FUT8: variants seen among roughly 807,000 people sequenced by gnomAD.
FUT8 encodes alpha-(1,6)-fucosyltransferase.
In FUT8, 29 loss-of-function variants were observed where a neutral mutation model predicts 71.3. That is an observed-to-expected ratio of 0.41 (90% CI 0.30 to 0.55). FUT8 has a LOEUF of 0.55. FUT8 is among the 20% of genes least tolerant of loss of function. The pLI, the probability that FUT8 is intolerant of heterozygous loss-of-function variation, is 0.34. For missense variants in FUT8, 544 were observed against 702.1 expected, an observed-to-expected ratio of 0.77 and a Z score of 2.55; for synonymous variants, 254 against 239.3, an observed-to-expected ratio of 1.06 and a Z score of -0.57.
At chr14:65,573,945 T>G (rs182801535) in intron 3 of FUT8, among the ~76,000 whole-genome samples, 1 of 152,288 alleles carries the variant, frequency 6.6e-6, no homozygotes, top group Admixed American at 6.5e-5. Flanking sequence ...TCACACAGTT[T>G]CTGTGGATTA....
In FUT8 at chr14:65,489,863, A is replaced by G. The variant is rs2066458682; in HGVS notation, c.-228+34145A>G. On this transcript the variant is annotated intron_variant, in intron 2 of 10. Coordinates refer to ENST00000673929, the MANE Select transcript of FUT8 (RefSeq NM_001371533.1). The surrounding 1 kb of genome is among the most constrained non-coding windows in gnomAD (Gnocchi z 4.0). Reference sequence around the variant, plus strand: ...GCAAGTTTTTGCACAAATATCAAAGAAATTCAGTGTACTTTCTTTTCAAAA... The same window carrying G: ...GCAAGTTTTTGCACAAATATCAAAGGAATTCAGTGTACTTTCTTTTCAAAA... Among the ~76,000 whole-genome samples the G allele has an allele frequency of 2.6e-5, 4 of 152,156 alleles. No individual in the cohort carries two copies. The South Asian group carries it at 8.3e-4, about 31-fold the overall frequency.
At chr14:65,461,013 A>T (rs548655279) in intron 2 of FUT8, among the ~76,000 whole-genome samples, 1 of 152,260 alleles carries the variant, frequency 6.6e-6, no homozygotes, top group African/African-American at 2.4e-5. Flanking sequence ...GTGTGTGTGT[A>T]TTAGTTTTCT....
intron 3 of FUT8, among the ~76,000 whole-genome samples, chr14:65,563,266 C>A (rs1886012560): frequency 6.6e-6 from 1 of 152,004 alleles, no homozygotes; most frequent in South Asian, 2.1e-4. Flanking sequence ...GTAATAATAG[C>A]TGTCATTTAT....
At chr14:65,414,712 G>A (rs1461707528) in intron 1 of FUT8, among the ~76,000 whole-genome samples, 3 of 152,102 alleles carry the variant, frequency 2.0e-5, no homozygotes, top group Non-Finnish European at 4.4e-5. Context: ...TCCAAGACAT[G>A]GATTTTCTTT....
chr14:65,538,241 G>A (rs1884460522), intron 2 of FUT8, among the ~76,000 whole-genome samples: 1 of 152,300 alleles, frequency 6.6e-6, no homozygotes, highest in Admixed American at 6.5e-5. Flanking sequence ...TGTTTGAGGG[G>A]TCTCCTCCTG....
At chr14:65,371,024 A>T in the FUT8 span, among the ~76,000 whole-genome samples, 1 of 152,164 alleles carries the variant, frequency 6.6e-6, no homozygotes, top group Non-Finnish European at 1.5e-5. Flanking sequence ...TGTCATGTAG[A>T]TTTCTCTTAG....
At chr14:65,677,151 T>TGTGTGTGTGTGTGCGC in intron 7 of FUT8, among the ~76,000 whole-genome samples, 4,198 of 110,426 alleles carry the variant, frequency 0.038, 125 homozygotes, top group Admixed American at 0.058. Flanking sequence ...TGTGTGTGTG[T>TGTGTGTGTGTGTGCGC]GCGCGCGCGC....
At chr14:65,414,788 A>T (rs1470152354) in intron 1 of FUT8, among the ~76,000 whole-genome samples, 1 of 152,236 alleles carries the variant, frequency 6.6e-6, no homozygotes, top group Non-Finnish European at 1.5e-5. Context: ...TGAAACTTGC[A>T]TAGATTGCAG....
chr14:65,515,949 AT>A (rs1882680607), intron 2 of FUT8, among the ~76,000 whole-genome samples: 1 of 152,120 alleles, frequency 6.6e-6, no homozygotes, highest in Non-Finnish European at 1.5e-5. Flanking sequence ...AATTTATTTT[AT>A]TTTGACTAAA....
At chr14:65,481,405 C>A (rs921208571) in intron 2 of FUT8, among the ~76,000 whole-genome samples, 1 of 150,754 alleles carries the variant, frequency 6.6e-6, no homozygotes, top group Non-Finnish European at 1.5e-5. Context: ...TTTTTCTGAT[C>A]GATTTCCTTA....
At chr14:65,608,674 A>G (rs1013040545) in intron 3 of FUT8, among the ~76,000 whole-genome samples, 33 of 151,928 alleles carry the variant, frequency 2.2e-4, no homozygotes, top group Non-Finnish European at 3.8e-4. Context: ...ACATGTAGGC[A>G]TCCTTAAAGG....
intron 6 of FUT8, among the ~76,000 whole-genome samples, chr14:65,645,217 A>T (rs1174001953): frequency 6.6e-6 from 1 of 152,214 alleles, no homozygotes; most frequent in Non-Finnish European, 1.5e-5. Context: ...AATAGTGAGG[A>T]TTGACTCCAG....
chr14:65,700,334 A>T (rs1349337620), intron 7 of FUT8, among the ~76,000 whole-genome samples: 1 of 151,158 alleles, frequency 6.6e-6, no homozygotes, highest in African/African-American at 2.4e-5. Flanking sequence ...TATTGTATAA[A>T]AGTTTTATTT....
intron 9 of FUT8, among the ~76,000 whole-genome samples, chr14:65,725,360 A>G (rs986840493): frequency 6.6e-6 from 1 of 152,220 alleles, no homozygotes; most frequent in Non-Finnish European, 1.5e-5. Context: ...GAGTAACACT[A>G]TTATAGGGTT....
intron 1 of FUT8, among the ~76,000 whole-genome samples, chr14:65,422,895 C>T (rs898742972): frequency 1.3e-5 from 2 of 151,810 alleles, no homozygotes; most frequent in East Asian, 1.9e-4. Flanking sequence ...TGGCCTCAAA[C>T]GATCCTCCTG....
the FUT8 span, among the ~76,000 whole-genome samples, chr14:65,398,269 C>T: frequency 2.6e-5 from 4 of 152,152 alleles, no homozygotes; most frequent in Admixed American, 1.3e-4. Context: ...AGGTGAGCTT[C>T]CTGTCTCAGC....
At chr14:65,367,218 G>A in the FUT8 span, among the ~76,000 whole-genome samples, 1 of 152,180 alleles carries the variant, frequency 6.6e-6, no homozygotes, top group East Asian at 1.9e-4. Context: ...CTTGGGGGAG[G>A]TTTAAAGGGA....
At chr14:65,477,250 A>T (rs2066261249) in intron 2 of FUT8, among the ~76,000 whole-genome samples, 2 of 152,198 alleles carry the variant, frequency 1.3e-5, no homozygotes, top group South Asian at 4.1e-4. Flanking sequence ...TAAAATATGG[A>T]TAAAAAATGC....
intron 2 of FUT8, among the ~76,000 whole-genome samples, chr14:65,490,129 C>T (rs1027457229): frequency 1.3e-5 from 2 of 152,016 alleles, no homozygotes; most frequent in Non-Finnish European, 2.9e-5. Context: ...ATTACAGCTG[C>T]AGATTTAGTC....
Sources: gnomAD v4.1 joint callset for allele counts (sites outside exome capture counted in the v4.1 genomes callset) on GRCh38, gnomAD v4.1.1 for gene constraint, Gnocchi (gnomAD v3.1) non-coding constraint, MANE v1.5 for transcripts, NCBI Gene and HGNC (gene_info 2026-07-23, HGNC 2026-07-21) for gene names.